TNRC6C: variants seen among roughly 807,000 people sequenced by gnomAD.
The protein encoded by TNRC6C is trinucleotide repeat-containing gene 6C protein.
In TNRC6C, 20 loss-of-function variants were observed where a neutral mutation model predicts 153.7. The ratio of observed to expected loss-of-function variants is 0.13; its 90% CI spans 0.09 to 0.19. The LOEUF (loss-of-function observed/expected upper bound fraction) is 0.19. Ranked by LOEUF, TNRC6C falls within the 10% of genes least tolerant of loss-of-function variation. The pLI is 1.00. For synonymous variants in TNRC6C, 811 were observed against 841.4 expected (o/e 0.96, Z 0.63); for missense variants, 1,987 against 2,172.0 (o/e 0.91, Z 1.69).
chr17:78,094,000 G>A (rs556705866), intron 16 of TNRC6C, among the ~76,000 whole-genome samples: 152 of 145,446 alleles, frequency 1.0e-3, no homozygotes, highest in Non-Finnish European at 1.7e-3. Flanking sequence ...TTTTTTTTGC[G>A]ATGAAGTCTC....
intron 2 of TNRC6C, among the ~76,000 whole-genome samples, chr17:78,042,894 A>G (rs2072328640): frequency 6.6e-6 from 1 of 152,062 alleles, no homozygotes; most frequent in African/African-American, 2.4e-5. Flanking sequence ...TAGAACTAAA[A>G]GCATATTTTA....
intron 1 of TNRC6C, among the ~76,000 whole-genome samples, chr17:77,993,778 G>A (rs1034558374): frequency 6.6e-6 from 1 of 152,110 alleles, no homozygotes; most frequent in African/African-American, 2.4e-5. Flanking sequence ...TTCATTTTAT[G>A]AAATTTAAGT....
chr17:78,041,406 A>G (rs1046914013), intron 2 of TNRC6C, among the ~76,000 whole-genome samples: 1 of 152,194 alleles, frequency 6.6e-6, no homozygotes, highest in African/African-American at 2.4e-5. Context: ...ATTAGGAAGC[A>G]AGCCTCCTTT....
At chr17:78,051,597 A>T (rs760622960) in intron 3 of TNRC6C, 149 bp downstream of exon 5, 2 of 902,066 alleles carry the variant, frequency 2.2e-6, no homozygotes, top group Non-Finnish European at 3.0e-6. Flanking sequence ...GCAATATTGT[A>T]TCTAAAGATT....
intron 1 of TNRC6C, among the ~76,000 whole-genome samples, chr17:78,006,832 T>TC (rs1303402874): frequency 7.0e-6 from 1 of 142,336 alleles, no homozygotes; most frequent in Non-Finnish European, 1.5e-5. Flanking sequence ...TTATTTATTT[T>TC]TTTTTTTTTT....
At chr17:78,066,244 T>C (rs1330085264) in intron 4 of TNRC6C, 2 of 150,958 alleles carry the variant, frequency 1.3e-5, no homozygotes, top group Non-Finnish European at 2.9e-5. Flanking sequence ...AAAAAAAAAA[T>C]TCGTTGTTCA....
chr17:78,047,142 T>A (rs1204607476), intron 2 of TNRC6C, among the ~76,000 whole-genome samples: 1 of 152,122 alleles, frequency 6.6e-6, no homozygotes, highest in East Asian at 1.9e-4. Flanking sequence ...GATGGTAAAA[T>A]GAAATGTGGT....
intron 1 of TNRC6C, among the ~76,000 whole-genome samples, chr17:77,973,504 G>A (rs2144072869): frequency 6.6e-6 from 1 of 152,132 alleles, no homozygotes; most frequent in East Asian, 1.9e-4. Context: ...GTCAGGTAAG[G>A]GAAAGTAATA....
At chr17:78,086,792 C>A (rs1380357523) in intron 12 of TNRC6C, 61 bp from the exon 15 acceptor site, 10 of 1,591,592 alleles carry the variant, frequency 6.3e-6, no homozygotes, top group African/African-American at 1.3e-5. Flanking sequence ...CATTTGGTCC[C>A]TAGACAAGCC....
At chr17:78,038,324 G>T (rs141899324) in intron 2 of TNRC6C, among the ~76,000 whole-genome samples, 372 of 152,280 alleles carry the variant, frequency 2.4e-3, no homozygotes, top group African/African-American at 8.8e-3. Context: ...AATGGGCAAA[G>T]AATGTGAACG....
intron 1 of TNRC6C, among the ~76,000 whole-genome samples, chr17:78,026,070 T>C (rs563147734): frequency 4.0e-5 from 6 of 151,328 alleles, no homozygotes; most frequent in Non-Finnish European, 8.8e-5. Flanking sequence ...ATCCAAGTTT[T>C]TGAGGTCTCT....
In TNRC6C at chr17:78,075,230, G is replaced by A. The variant is rs762399665; in HGVS notation, c.3012G>A (p.Pro1004=). 15 of 1,602,544 alleles carry A rather than the reference G, an allele frequency of 9.4e-6. No homozygotes were observed. In the Middle Eastern group the frequency reaches 5.0e-4, roughly 53 times the overall value. ...CCGCCAAGCCCCTCGGCTGCCGCCC[G>A]CCAATCTCCAAAGAGTCTTCCGTGG... Residue 1004 remains proline, a synonymous_variant, in exon 8 of 20, where the codon CCG becomes CCA. Coordinates refer to ENST00000301624, the Ensembl canonical transcript of TNRC6C. The surrounding 1 kb of genome is among the most constrained non-coding windows in gnomAD (Gnocchi z 4.2).
chr17:78,095,151 T>G (rs1281162536), intron 16 of TNRC6C, among the ~76,000 whole-genome samples: 2 of 152,206 alleles, frequency 1.3e-5, no homozygotes, highest in Non-Finnish European at 2.9e-5. Context: ...TGGCAGAGCT[T>G]CCCGAGTGGT....
intron 1 of TNRC6C, among the ~76,000 whole-genome samples, chr17:77,963,797 T>C (rs2070878338): frequency 1.3e-5 from 2 of 152,242 alleles, no homozygotes; most frequent in Admixed American, 6.5e-5. Context: ...CAGCTATGCA[T>C]TGGAACTTTG....
chr17:78,073,262 C>T (rs543691554), intron 7 of TNRC6C, among the ~76,000 whole-genome samples, 168 bp downstream of exon 9: 2 of 152,324 alleles, frequency 1.3e-5, no homozygotes, highest in East Asian at 1.9e-4. Context: ...GAGGGAGCCT[C>T]TTGGGATTAG....
chr17:78,023,155 C>T (rs1220399413), intron 1 of TNRC6C, among the ~76,000 whole-genome samples: 1 of 152,068 alleles, frequency 6.6e-6, no homozygotes, highest in East Asian at 1.9e-4. Context: ...AACAACATAA[C>T]GTATGCGGGA....
At chr17:78,098,475 A>C in exon 17 of TNRC6C, 1 of 1,613,852 alleles carries the variant, frequency 6.2e-7, no homozygotes, top group East Asian at 2.2e-5. Context: ...GGGTTAACCA[A>C]TCCCAAGCCC....
chr17:78,082,690 C>G lies in TNRC6C; in HGVS notation c.3358-357C>G, dbSNP rs963112726. On this transcript the variant is annotated intron_variant, in intron 10 of 19. Transcript: ENST00000301624. ...TCATGCATCCATTTATAGGCTCTCC[C>G]CAAGGGTCGCATTCCATTCCCAGAG... is the stretch of plus-strand genomic sequence containing the variant. Among the ~76,000 whole-genome samples the G allele has an allele frequency of 2.0e-5, 3 of 152,022 alleles. No homozygotes were observed. In the East Asian group the frequency reaches 5.8e-4, roughly 29 times the overall value.
intron 1 of TNRC6C, among the ~76,000 whole-genome samples, chr17:78,019,286 T>C (rs1426300484): frequency 1.3e-5 from 2 of 152,214 alleles, no homozygotes; most frequent in African/African-American, 4.8e-5. Context: ...TCCTTCTGTC[T>C]TGGTATCTTA....
Sources: allele counts gnomAD v4.1 joint callset (sites outside exome capture counted in the v4.1 genomes callset), GRCh38; gene constraint gnomAD v4.1.1; non-coding constraint Gnocchi (gnomAD v3.1); transcripts MANE v1.5; gene names NCBI Gene and HGNC (gene_info 2026-07-23, HGNC 2026-07-21).